KHDRBS2: variants seen among roughly 807,000 people sequenced by gnomAD.
KHDRBS2 encodes the protein KH domain-containing, RNA-binding, signal transduction-associated protein 2.
Under a neutral mutation model 44.3 loss-of-function variants are expected in KHDRBS2, and 26 were observed. The observed-to-expected ratio is 0.59, with a 90% CI of 0.43 to 0.81. The LOEUF is 0.81. KHDRBS2 is among the 40% of genes least tolerant of loss of function. The probability of loss-of-function intolerance (pLI) is 0.00; values close to 1 mark genes in which losing one functional copy is unlikely to be tolerated. For missense variants in KHDRBS2, 476 were observed against 433.1 expected (o/e 1.10, Z -0.88); for synonymous variants, 194 against 151.1 (o/e 1.28, Z -2.08).
chr6:61,775,383 T>C (rs957274786), intron 6 of KHDRBS2, among the ~76,000 whole-genome samples: 4 of 152,126 alleles, frequency 2.6e-5, no homozygotes, highest in African/African-American at 7.2e-5. Flanking sequence ...ATTGTACATC[T>C]AGAAAACCCC....
At chr6:62,043,398 A>G (rs1786979373) in intron 3 of KHDRBS2, among the ~76,000 whole-genome samples, 2 of 152,112 alleles carry the variant, frequency 1.3e-5, no homozygotes, top group African/African-American at 4.8e-5. Flanking sequence ...CTGCTAGTTA[A>G]TTTCCTGAGG....
intron 6 of KHDRBS2, among the ~76,000 whole-genome samples, chr6:61,860,446 C>G (rs1005975408): frequency 4.6e-5 from 7 of 151,956 alleles, no homozygotes; most frequent in African/African-American, 1.7e-4. Context: ...TATTTAGCTC[C>G]CACTTATAAG....
At chr6:62,061,591 C>A (rs1362348146) in intron 2 of KHDRBS2, among the ~76,000 whole-genome samples, 3 of 150,592 alleles carry the variant, frequency 2.0e-5, no homozygotes, top group Non-Finnish European at 3.0e-5. Flanking sequence ...AGCTTTCTCT[C>A]TGGCTGCCCT....
chr6:62,117,901 G>A (rs1166143548), intron 2 of KHDRBS2, among the ~76,000 whole-genome samples: 4 of 151,970 alleles, frequency 2.6e-5, no homozygotes, highest in South Asian at 4.2e-4. Flanking sequence ...TCAGTCTCCC[G>A]AGTAGCTTGG....
the KHDRBS2 span, among the ~76,000 whole-genome samples, chr6:61,638,654 T>C: frequency 1.3e-5 from 2 of 152,182 alleles, no homozygotes; most frequent in Non-Finnish European, 1.5e-5. Context: ...TTGATGACTT[T>C]GATAATTGAG....
chr6:62,131,272 T>C (rs1282423021), intron 2 of KHDRBS2, among the ~76,000 whole-genome samples: 1 of 152,224 alleles, frequency 6.6e-6, no homozygotes, highest in African/African-American at 2.4e-5. Flanking sequence ...GAGTCTTAGC[T>C]TTCTCATTTG....
chr6:62,215,178 T>TA (rs1289360703), intron 1 of KHDRBS2, among the ~76,000 whole-genome samples: 3 of 151,698 alleles, frequency 2.0e-5, no homozygotes, highest in East Asian at 1.9e-4. Context: ...TAAAAGAAAC[T>TA]AAAAAAATAT....
intron 6 of KHDRBS2, among the ~76,000 whole-genome samples, chr6:61,736,175 TG>T (rs1300838056): frequency 6.7e-6 from 1 of 149,804 alleles, no homozygotes; most frequent in Non-Finnish European, 1.5e-5. Context: ...TTTACTTTTT[TG>T]TCCTATATGA....
intron 3 of KHDRBS2, among the ~76,000 whole-genome samples, chr6:62,019,125 ACT>A (rs1182611632): frequency 1.3e-5 from 2 of 151,992 alleles, no homozygotes; most frequent in Admixed American, 6.6e-5. Context: ...TCATTTAATA[ACT>A]CTGATGTTTC....
chr6:61,590,072 A>G, the KHDRBS2 span, among the ~76,000 whole-genome samples: 3 of 152,164 alleles, frequency 2.0e-5, no homozygotes, highest in African/African-American at 7.2e-5. Flanking sequence ...ATAGAAACAA[A>G]TATTAGATGA....
chr6:61,926,483 G>T (rs1808996779), intron 4 of KHDRBS2, among the ~76,000 whole-genome samples: 1 of 152,088 alleles, frequency 6.6e-6, no homozygotes, highest in African/African-American at 2.4e-5. Flanking sequence ...TAACATGCTA[G>T]AAGATGGAAA....
At chr6:61,700,691 C>T (rs1432354023) in intron 7 of KHDRBS2, among the ~76,000 whole-genome samples, 3 of 150,760 alleles carry the variant, frequency 2.0e-5, no homozygotes, top group African/African-American at 7.3e-5. Context: ...AAGATCCTTT[C>T]CCGTTTAAGA....
intron 6 of KHDRBS2, among the ~76,000 whole-genome samples, chr6:61,833,595 T>C (rs1422485327): frequency 6.6e-6 from 1 of 152,090 alleles, no homozygotes; most frequent in Non-Finnish European, 1.5e-5. Context: ...CAGATACAAA[T>C]TACATGAAAC....
At chr6:61,800,537 T>C (rs1786090244) in intron 6 of KHDRBS2, among the ~76,000 whole-genome samples, 1 of 152,140 alleles carries the variant, frequency 6.6e-6, no homozygotes, top group Non-Finnish European at 1.5e-5. Context: ...GTTCATTTAC[T>C]TTCTTTTATA....
the KHDRBS2 span, among the ~76,000 whole-genome samples, chr6:61,582,594 A>T: frequency 6.6e-6 from 1 of 151,778 alleles, no homozygotes; most frequent in African/African-American, 2.4e-5. Context: ...CTTAAAAAAG[A>T]TGGGAAAACA....
chr6:61,545,901 A>C, the KHDRBS2 span, among the ~76,000 whole-genome samples: 2 of 152,076 alleles, frequency 1.3e-5, no homozygotes, highest in Admixed American at 6.6e-5. Context: ...AGCCGTCTTC[A>C]ACCCAAGGGG....
the KHDRBS2 span, among the ~76,000 whole-genome samples, chr6:61,642,454 A>T: frequency 1.3e-5 from 2 of 151,338 alleles, no homozygotes; most frequent in African/African-American, 4.8e-5. Flanking sequence ...CCAGGAGTTC[A>T]AGACAAGCCT....
chr6:62,220,602 T>C (rs1262673137), intron 1 of KHDRBS2, among the ~76,000 whole-genome samples: 1 of 151,774 alleles, frequency 6.6e-6, no homozygotes, highest in East Asian at 1.9e-4. Context: ...AGGAGGAAGG[T>C]AGAATTAACA....
intron 6 of KHDRBS2, among the ~76,000 whole-genome samples, chr6:61,770,241 C>A (rs1780652855): frequency 6.6e-6 from 1 of 152,126 alleles, no homozygotes; most frequent in African/African-American, 2.4e-5. Context: ...GGGAAAAAAA[C>A]AGAGCAGAAA....
Sources: allele counts gnomAD v4.1 joint callset (sites outside exome capture counted in the v4.1 genomes callset), GRCh38; gene constraint gnomAD v4.1.1; transcripts MANE v1.5; gene names NCBI Gene and HGNC (gene_info 2026-07-23, HGNC 2026-07-21).